The following DIAPH3 variants were observed in gnomAD, a reference collection of about 807,000 sequenced individuals.
The protein encoded by DIAPH3 is diaphanous related formin 3, also known as protein diaphanous homolog 3.
A neutral mutation model predicts 144.3 loss-of-function variants in DIAPH3; 117 were observed. That is an observed-to-expected ratio of 0.81 (90% confidence interval 0.70 to 0.95). The LOEUF is 0.95. DIAPH3 is among the 40% of genes least tolerant of loss of function. The pLI is 0.00. For missense variants in DIAPH3, 1,421 were observed against 1,412.7 expected (o/e 1.01, Z -0.09); for synonymous variants, 519 against 488.9 (o/e 1.06, Z -0.81).
intron 2 of DIAPH3, among the ~76,000 whole-genome samples, chr13:60,131,394 T>C (rs2059133051): frequency 1.5e-5 from 2 of 132,410 alleles, no homozygotes; most frequent in African/African-American, 5.9e-5. Flanking sequence ...CATGATCATG[T>C]CACTGCACTT....
chr13:59,890,377 T>A (rs544091384), intron 20 of DIAPH3, among the ~76,000 whole-genome samples: 2 of 152,234 alleles, frequency 1.3e-5, no homozygotes, highest in African/African-American at 4.8e-5. Flanking sequence ...ATGAAACTTT[T>A]AAGTTTCTGT....
At chr13:59,686,241 A>G (rs1000808356) in intron 27 of DIAPH3, among the ~76,000 whole-genome samples, 1 of 152,122 alleles carries the variant, frequency 6.6e-6, no homozygotes, top group Non-Finnish European at 1.5e-5. Flanking sequence ...TCTGAAACAA[A>G]GGGAACCGGA....
intron 18 of DIAPH3, among the ~76,000 whole-genome samples, chr13:59,920,930 C>G (rs2047477938): frequency 6.6e-6 from 1 of 151,488 alleles, no homozygotes; most frequent in African/African-American, 2.4e-5. Context: ...GAAATCAGTA[C>G]AGAAGAAAAT....
rs1211290068 is a variant in DIAPH3, at chr13:59,870,427, T to A, written c.2607+8802A>T. Reference sequence around the variant, plus strand: ...GAGTGTCAGATTTCCAACTTAGTTCTTCTTCTTCAGTATTGTGTTAGCTAT... The same window carrying A: ...GAGTGTCAGATTTCCAACTTAGTTCATCTTCTTCAGTATTGTGTTAGCTAT... On this transcript the variant is annotated intron_variant, in intron 21 of 27. Transcript: ENST00000400324. Among the ~76,000 whole-genome samples, 4 of 151,148 alleles carry A rather than the reference T, an allele frequency of 2.6e-5. No individual in the cohort carries two copies. The East Asian group carries it at 7.7e-4, about 29-fold the overall frequency.
intron 25 of DIAPH3, among the ~76,000 whole-genome samples, chr13:59,794,925 C>A (rs1365950678): frequency 1.3e-5 from 2 of 152,218 alleles, no homozygotes; most frequent in Non-Finnish European, 2.9e-5. Flanking sequence ...CAATGAAACT[C>A]TGGAAAACAA....
At chr13:60,065,103 T>TA (rs1029125080) in intron 4 of DIAPH3, among the ~76,000 whole-genome samples, 4 of 151,932 alleles carry the variant, frequency 2.6e-5, no homozygotes, top group African/African-American at 7.3e-5. Context: ...GCATAACAGA[T>TA]ATACAAACAA....
chr13:59,863,521 T>C (rs936441717), intron 21 of DIAPH3, among the ~76,000 whole-genome samples: 1 of 151,908 alleles, frequency 6.6e-6, no homozygotes, highest in Non-Finnish European at 1.5e-5. Context: ...GAATGGGAGA[T>C]TTCCGTACCA....
intron 1 of DIAPH3, among the ~76,000 whole-genome samples, chr13:60,156,626 T>C (rs147302713): frequency 4.1e-4 from 62 of 152,072 alleles, no homozygotes; most frequent in African/African-American, 1.5e-3. Context: ...GATTCACAAG[T>C]TGAATATCTT....
At chr13:59,792,773 C>T (rs1466224059) in intron 25 of DIAPH3, among the ~76,000 whole-genome samples, 1 of 152,060 alleles carries the variant, frequency 6.6e-6, no homozygotes, top group Admixed American at 6.6e-5. Flanking sequence ...ACGCTGGTAT[C>T]TTACTTCCCT....
chr13:59,761,939 G>C (rs547700658), intron 27 of DIAPH3, among the ~76,000 whole-genome samples: 2 of 151,746 alleles, frequency 1.3e-5, no homozygotes, highest in African/African-American at 4.8e-5. Context: ...CTAGATGGAA[G>C]CTCCAGTTCC....
At chr13:59,905,080 T>C (rs1426387138) in intron 20 of DIAPH3, among the ~76,000 whole-genome samples, 1 of 152,020 alleles carries the variant, frequency 6.6e-6, no homozygotes, top group Non-Finnish European at 1.5e-5. Flanking sequence ...CGGTGGCTCA[T>C]GCCTGTAATC....
At chr13:59,727,442 T>A (rs1261742604) in intron 27 of DIAPH3, among the ~76,000 whole-genome samples, 1 of 152,210 alleles carries the variant, frequency 6.6e-6, no homozygotes, top group Admixed American at 6.5e-5. Flanking sequence ...CATCCATCCT[T>A]CTTTCTCAAA....
chr13:60,064,740 T>C (rs566943883), intron 4 of DIAPH3, among the ~76,000 whole-genome samples: 15 of 152,220 alleles, frequency 9.9e-5, no homozygotes, highest in Non-Finnish European at 1.9e-4. Context: ...GAATTTTTCC[T>C]TTGCATTCAC....
intron 20 of DIAPH3, among the ~76,000 whole-genome samples, chr13:59,883,197 A>G (rs1301086935): frequency 1.3e-5 from 2 of 152,126 alleles, no homozygotes; most frequent in Non-Finnish European, 2.9e-5. Context: ...GCCTGTCTTA[A>G]GGAGTATAAA....
In DIAPH3 at chr13:59,985,759, C is replaced by A. The variant is rs1192546410; in HGVS notation, c.1362-1872G>T. Among the ~76,000 whole-genome samples, 26 of 97,234 alleles carry A rather than the reference C, an allele frequency of 2.7e-4. 2 individuals carry two copies. In the Admixed American group the frequency reaches 3.1e-3, roughly 11 times the overall value. The allele number at this position is 97,234 out of a possible 152,430, so 63.8% of individuals were successfully genotyped here. On this transcript the variant is annotated intron_variant, in intron 12 of 27. Coordinates refer to ENST00000400324, the MANE Select transcript of DIAPH3 (RefSeq NM_001042517.2). Reference sequence around the variant, plus strand: ...AAGAATAAAATACCTAGGAATCCAACTTACAAGGGATGTGAAGGACCTCTT... The same window carrying A: ...AAGAATAAAATACCTAGGAATCCAAATTACAAGGGATGTGAAGGACCTCTT...
At position 59,705,928 on chromosome 13, in the gene DIAPH3, T is replaced by C. The variant is rs542289997; in HGVS notation, c.3320-39082A>G. Among the ~76,000 whole-genome samples, 115 of 152,106 alleles carry C rather than the reference T, an allele frequency of 7.6e-4. 1 individual carries two copies. The highest frequency in any genetic ancestry group is 2.7e-3 in the African/African-American group (114 of 41,502). On this transcript the variant is annotated intron_variant, in intron 27 of 27. Transcript: ENST00000400324. ...TATTTTGTGTTTCATGATAATTAAC[T>C]ATGTATATAATACTTTGGTTTTCCT...
At chr13:60,099,714 T>C (rs17057627) in intron 3 of DIAPH3, among the ~76,000 whole-genome samples, 7,423 of 152,282 alleles carry the variant, frequency 0.049, 282 homozygotes, top group African/African-American at 0.096. Context: ...AGTTTCCCTT[T>C]GGCCAATTAC....
At chr13:59,935,042 C>T (rs1413933557) in intron 17 of DIAPH3, among the ~76,000 whole-genome samples, 5 of 152,182 alleles carry the variant, frequency 3.3e-5, no homozygotes, top group Non-Finnish European at 7.4e-5. Context: ...TTGAACAACA[C>T]GTGCTTGCAC....
chr13:59,670,584 T>C (rs2032308183), intron 27 of DIAPH3, among the ~76,000 whole-genome samples: 1 of 123,584 alleles, frequency 8.1e-6, no homozygotes, highest in Non-Finnish European at 1.6e-5. Context: ...GGAAGTTCAC[T>C]TTTTTTTTTT....
Sources: allele counts gnomAD v4.1 joint callset (sites outside exome capture counted in the v4.1 genomes callset), GRCh38; gene constraint gnomAD v4.1.1; transcripts MANE v1.5; gene names NCBI Gene and HGNC (gene_info 2026-07-23, HGNC 2026-07-21).